ARID4A: variants seen among roughly 807,000 people sequenced by gnomAD.
The protein encoded by ARID4A is AT-rich interactive domain-containing protein 4A.
A neutral mutation model predicts 148.6 loss-of-function variants in ARID4A; 39 were observed. The observed-to-expected ratio is 0.26, with a 90% confidence interval of 0.20 to 0.34. The LOEUF is 0.34. Among genes scored for constraint, ARID4A ranks in the 10% least tolerant of loss-of-function variants. The pLI is 1.00. For synonymous variants in ARID4A, 475 were observed against 481.2 expected (o/e 0.99, Z 0.17); for missense variants, 1,265 against 1,449.1 (o/e 0.87, Z 2.06).
chr14:58,319,122 C>T (rs2032671266), intron 7 of ARID4A, among the ~76,000 whole-genome samples: 1 of 152,020 alleles, frequency 6.6e-6, no homozygotes, highest in Admixed American at 6.5e-5. Flanking sequence ...TGCAGTGGTG[C>T]AATCTCGGCT....
intron 11 of ARID4A, among the ~76,000 whole-genome samples, chr14:58,337,220 C>G (rs975902534): frequency 1.1e-5 from 1 of 93,202 alleles, no homozygotes; most frequent in Non-Finnish European, 2.3e-5. Flanking sequence ...AACCTTACAA[C>G]AAATCTCCTA....
At chr14:58,329,658 A>G in intron 10 of ARID4A, 54 bp downstream of exon 10, 1 of 1,417,868 alleles carries the variant, frequency 7.1e-7, no homozygotes, top group Non-Finnish European at 1.0e-6. Flanking sequence ...TATTTGGAAA[A>G]TAGCAAATAA....
At chr14:58,313,650 C>G (rs1489716845) in intron 5 of ARID4A, among the ~76,000 whole-genome samples, 1 of 152,158 alleles carries the variant, frequency 6.6e-6, no homozygotes, top group Non-Finnish European at 1.5e-5. Flanking sequence ...ACCTGAGATG[C>G]CAATAGCTAG....
rs199522638 is a variant in ARID4A at position 58,347,876 on chromosome 14, A to T, written c.1402A>T (p.Arg468Trp). ...EREEIELKSP[R>W]GRRRIARDVN... is the part of the protein sequence containing the mutation. ...AGAAGAGATAGAATTAAAATCTCCGAGGGTGAGTTCTTAATACTAGTTTTA... is the reference window on the plus strand; with the variant it reads ...AGAAGAGATAGAATTAAAATCTCCGTGGGTGAGTTCTTAATACTAGTTTTA... The change falls in exon 15 of 24, where the codon AGG (arginine) becomes TGG (tryptophan). Residue 468 changes from arginine (R) to tryptophan (W), a missense_variant and splice_region_variant. This residue lies in a region of ARID4A where 205 missense variants were observed against 196.9 expected (regional missense o/e 1.04). Coordinates refer to ENST00000355431, the MANE Select transcript of ARID4A (RefSeq NM_002892.4). The T allele has an allele frequency of 4.4e-6, 7 of 1,603,936 alleles. No individual in the cohort carries two copies.
chr14:58,301,229 A>G (rs1049511615), intron 2 of ARID4A, among the ~76,000 whole-genome samples: 3 of 152,196 alleles, frequency 2.0e-5, no homozygotes, highest in Non-Finnish European at 4.4e-5. Flanking sequence ...CTATAAATGA[A>G]TAACTTAGTT....
intron 5 of ARID4A, among the ~76,000 whole-genome samples, chr14:58,308,384 A>T (rs2140141312): frequency 6.6e-6 from 1 of 152,378 alleles, no homozygotes; most frequent in Admixed American, 6.5e-5. Flanking sequence ...AGAATGTTTT[A>T]ATAAGCATGT....
chr14:58,360,328 G>A (rs970870075), intron 18 of ARID4A, among the ~76,000 whole-genome samples: 1 of 152,172 alleles, frequency 6.6e-6, no homozygotes, highest in Non-Finnish European at 1.5e-5. Context: ...TGCAGACCCA[G>A]GGTTGCCAGA....
chr14:58,320,099 C>T (rs2032765719), intron 7 of ARID4A, among the ~76,000 whole-genome samples: 1 of 151,750 alleles, frequency 6.6e-6, no homozygotes, highest in African/African-American at 2.4e-5. Flanking sequence ...AGGCGCGTGC[C>T]ACCACGCCCA....
rs151278543 is a variant in ARID4A at position 58,359,192 on chromosome 14, G to A, written c.1914G>A (p.Lys638=). The A allele has an allele frequency of 2.6e-6, 4 of 1,567,316 alleles. No individual in the cohort carries two copies. The highest frequency in any genetic ancestry group is 4.7e-5 in the East Asian group (2 of 42,262). ...GGCCTTTGGACAAAGGTGGACCAAA[G>A]AAAAAACAGAAGAAAAAAGCTAAAG... is the stretch of plus-strand genomic sequence containing the variant. ...IIWPLDKGGP[K]KKQKKKAKNK... Residue 638 remains lysine, a synonymous_variant, in exon 18 of 24, where the codon AAG becomes AAA. Coordinates refer to ENST00000355431, the MANE Select transcript of ARID4A (RefSeq NM_002892.4).
At chr14:58,325,846 T>C (rs1351417662) in intron 8 of ARID4A, among the ~76,000 whole-genome samples, 3 of 152,072 alleles carry the variant, frequency 2.0e-5, no homozygotes, top group Non-Finnish European at 4.4e-5. Context: ...AGATTGTAGG[T>C]TTGCCAAGAG....
At chr14:58,346,953 AAAAAAAAAAAAAAAAAAAAAG>A in intron 13 of ARID4A, 46 bp from the exon 14 acceptor site, 2 of 375,206 alleles carry the variant, frequency 5.3e-6, no homozygotes, top group South Asian at 6.2e-5. Flanking sequence ...AAAAAAAAAA[AAAAAAAAAAAAAAAAAAAAAG>A]ATTAATTCCC....
intron 1 of ARID4A, 46 bp from the exon 2 acceptor site, chr14:58,299,752 G>A: frequency 6.7e-7 from 1 of 1,494,332 alleles, no homozygotes; most frequent in Non-Finnish European, 9.3e-7. Flanking sequence ...GTCGCTCCCC[G>A]CAGTTGACTG....
At chr14:58,341,655 A>G (rs983312459) in intron 11 of ARID4A, among the ~76,000 whole-genome samples, 20 of 152,220 alleles carry the variant, frequency 1.3e-4, no homozygotes, top group Non-Finnish European at 1.2e-4. Context: ...CATGGTAACC[A>G]TTAGTAGATG....
At chr14:58,352,336 G>A (rs2034675633) in intron 16 of ARID4A, among the ~76,000 whole-genome samples, 1 of 152,074 alleles carries the variant, frequency 6.6e-6, no homozygotes, top group Non-Finnish European at 1.5e-5. Flanking sequence ...AATATAATTA[G>A]GATTAGGAAA....
intron 11 of ARID4A, among the ~76,000 whole-genome samples, chr14:58,333,792 G>C (rs1205584066): frequency 6.6e-6 from 1 of 151,934 alleles, no homozygotes; most frequent in Non-Finnish European, 1.5e-5. Context: ...GATTACTTTA[G>C]GTATAAACTT....
chr14:58,311,095 A>C (rs2031995602), intron 5 of ARID4A, among the ~76,000 whole-genome samples: 1 of 152,114 alleles, frequency 6.6e-6, no homozygotes, highest in Admixed American at 6.5e-5. Flanking sequence ...AAAATACAAA[A>C]ATTAGCTGGG....
chr14:58,334,068 C>T (rs1594914076), intron 11 of ARID4A, among the ~76,000 whole-genome samples: 1 of 152,206 alleles, frequency 6.6e-6, no homozygotes, highest in Admixed American at 6.5e-5. Context: ...AGTCTTTCTT[C>T]ACAGTGTTAG....
intron 15 of ARID4A, among the ~76,000 whole-genome samples, chr14:58,349,431 GA>G (rs2034530159): frequency 6.6e-6 from 1 of 151,276 alleles, no homozygotes; most frequent in East Asian, 2.0e-4. Context: ...TGGATCTCGA[GA>G]TCAGGAGATC....
At chr14:58,315,099 A>T (rs1371089616) in intron 5 of ARID4A, among the ~76,000 whole-genome samples, 1 of 152,206 alleles carries the variant, frequency 6.6e-6, no homozygotes, top group Non-Finnish European at 1.5e-5. Context: ...AGCCTGGGTG[A>T]CAGAATGAGA....
Sources: gnomAD v4.1 joint callset for allele counts (sites outside exome capture counted in the v4.1 genomes callset) on GRCh38, gnomAD v4.1.1 for gene constraint, gnomAD v4.1.1 regional missense constraint, MANE v1.5 for transcripts, NCBI Gene and HGNC (gene_info 2026-07-23, HGNC 2026-07-21) for gene names.